Variants in TRAIP observed in about 807,000 individuals in gnomAD.
The protein encoded by TRAIP is E3 ubiquitin-protein ligase TRAIP.
A neutral mutation model predicts 65.0 loss-of-function variants in TRAIP; 37 were observed. That is an observed-to-expected ratio of 0.57 (90% CI 0.44 to 0.75). The LOEUF is 0.75. Ranked by LOEUF, TRAIP falls within the 30% of genes least tolerant of loss-of-function variation. The probability of loss-of-function intolerance (pLI) is 0.00; values close to 1 mark genes in which losing one functional copy is unlikely to be tolerated. For synonymous variants in TRAIP, 187 were observed against 219.1 expected (o/e 0.85, Z 1.29); for missense variants, 481 against 579.4 (o/e 0.83, Z 1.74).
rs543561242 is a variant in TRAIP at position 49,833,314 on chromosome 3, C to T, written c.885-1246G>A. Among the ~76,000 whole-genome samples the T allele has an allele frequency of 4.6e-5, 7 of 152,306 alleles. 1 individual carries two copies. The highest frequency in any genetic ancestry group is 2.1e-4 in the South Asian group (1 of 4,828). On this transcript the variant is annotated intron_variant, in intron 10 of 14. Transcript: ENST00000331456. ...TTCTACTCCCAGCCATCCCCTAAGG[C>T]GTTGCCTAGTGGTGCCCAAGCTCAA...
chr3:49,845,666 A>G (rs2081876135), intron 3 of TRAIP, among the ~76,000 whole-genome samples: 1 of 152,180 alleles, frequency 6.6e-6, no homozygotes, highest in Non-Finnish European at 1.5e-5. Flanking sequence ...ACCACTACCC[A>G]TAGTCCCCTG....
Position 49,856,515 on chromosome 3 carries a change from C to A in TRAIP, c.-62G>T. The A allele has an allele frequency of 6.9e-7, 1 of 1,450,306 alleles. No homozygotes were observed. Among genetic ancestry groups the A allele is most frequent in the Non-Finnish European group, 9.5e-7 (1 of 1,051,808 alleles). 89.8% of individuals were successfully genotyped at this position (1,450,306 alleles called of 1,614,324 possible). A position where few individuals can be genotyped will look rare whatever the true frequency, so the allele number is the denominator to read the frequency against. On this transcript the variant is annotated 5_prime_UTR_variant, in exon 1 of 15. Transcript: ENST00000331456. The stretch of plus-strand genomic sequence containing the variant: ...ACTGCTACAGGTCCGGCTTCGTAGA[C>A]GCGCCCCCGCGCCTCCGCTTGCTTC...
At chr3:49,833,504 G>A (rs1047414401) in intron 10 of TRAIP, among the ~76,000 whole-genome samples, 5 of 150,430 alleles carry the variant, frequency 3.3e-5, no homozygotes, top group African/African-American at 9.8e-5. Flanking sequence ...TTTTGAGACG[G>A]AATCTTGCTC....
rs1279790246 is a variant in TRAIP, at chr3:49,829,493, C to A, written c.1252G>T (p.Asp418Tyr). 2 of 1,614,002 alleles carry A rather than the reference C, an allele frequency of 1.2e-6. No homozygotes were observed. Among genetic ancestry groups the A allele is most frequent in the African/African-American group, 2.7e-5 (2 of 74,886 alleles). The change falls in exon 14 of 15, where the codon GAT (aspartate) becomes TAT (tyrosine). Residue 418 changes from aspartate to tyrosine, a missense_variant. Transcript: ENST00000331456. ...AATTTTGTCCGGCCACCGAGCCCAT[C>A]GAAGCCTGTCCTTACCTAGGGTGGA... is the stretch of plus-strand genomic sequence containing the variant. ...CSKDVVRTGF[D>Y]GLGGRTKFIQ...
intron 10 of TRAIP, among the ~76,000 whole-genome samples, chr3:49,833,750 A>G (rs1038007875): frequency 2.0e-5 from 3 of 152,152 alleles, no homozygotes; most frequent in Admixed American, 6.5e-5. Flanking sequence ...AAGTGCTGGT[A>G]TTACAGGCAT....
chr3:49,839,885 TGA>T (rs766468207), intron 9 of TRAIP, 25 bp from the exon 10 acceptor site: 2 of 1,610,436 alleles, frequency 1.2e-6, no homozygotes, highest in Non-Finnish European at 1.7e-6. Flanking sequence ...GAAAAGTGTG[TGA>T]GAGAAAGGCT....
At chr3:49,844,677 T>C (rs1023846320) in intron 3 of TRAIP, 97 bp from the exon 4 acceptor site, 34 of 1,407,080 alleles carry the variant, frequency 2.4e-5, no homozygotes, top group Non-Finnish European at 3.4e-5. Flanking sequence ...GATTGAACAA[T>C]GAGGCCTTCT....
intron 4 of TRAIP, 148 bp from the exon 5 acceptor site, chr3:49,844,076 TG>T (rs1274338399): frequency 2.4e-5 from 27 of 1,114,140 alleles, no homozygotes; most frequent in Non-Finnish European, 2.8e-5. Flanking sequence ...CTTCTTTCTC[TG>T]GGATGTGCCA....
At chr3:49,831,886 C>G in intron 11 of TRAIP, 30 bp downstream of exon 11, 1 of 1,521,708 alleles carries the variant, frequency 6.6e-7, no homozygotes, top group Non-Finnish European at 8.9e-7. Flanking sequence ...CCCTACCAGC[C>G]CATGGACAGT....
chr3:49,848,825 T>C (rs1365333536), intron 1 of TRAIP, among the ~76,000 whole-genome samples: 2 of 152,074 alleles, frequency 1.3e-5, no homozygotes, highest in Admixed American at 6.6e-5. Flanking sequence ...CCAATAAATA[T>C]GTATACCTAC....
chr3:49,841,809 G>C lies in TRAIP; in HGVS notation c.617+17C>G, dbSNP rs368009535. The C allele has an allele frequency of 1.2e-6, 2 of 1,603,906 alleles. No homozygotes were observed. The highest frequency in any genetic ancestry group is 2.7e-5 in the African/African-American group (2 of 74,714). The stretch of plus-strand genomic sequence containing the variant: ...GGCCTATCTCCTGTGTTTGCTGAGA[G>C]GGGCCACAGTACGCACTTCTTGAGA... On this transcript the variant is annotated intron_variant, in intron 7 of 14. Coordinates refer to ENST00000331456, the MANE Select transcript of TRAIP (RefSeq NM_005879.3).
At chr3:49,855,150 C>T (rs2081960453) in intron 1 of TRAIP, among the ~76,000 whole-genome samples, 1 of 152,080 alleles carries the variant, frequency 6.6e-6, no homozygotes, top group Non-Finnish European at 1.5e-5. Flanking sequence ...TCAAGGGATA[C>T]ATGTAAAACA....
At chr3:49,854,657 A>G (rs2081957096) in intron 1 of TRAIP, among the ~76,000 whole-genome samples, 1 of 152,196 alleles carries the variant, frequency 6.6e-6, no homozygotes, top group South Asian at 2.1e-4. Context: ...TAAAGACAAT[A>G]TGTTTACTCT....
At chr3:49,831,332 G>A (rs949882308) in intron 11 of TRAIP, among the ~76,000 whole-genome samples, 1 of 152,260 alleles carries the variant, frequency 6.6e-6, no homozygotes, top group Admixed American at 6.5e-5. Context: ...GTATGAATGA[G>A]TATAGTCCTT....
At position 49,831,939 on chromosome 3, in the gene TRAIP, T is replaced by A; in HGVS notation, c.1014A>T (p.Glu338Asp). The A allele has an allele frequency of 6.3e-7, 1 of 1,592,680 alleles. No individual in the cohort carries two copies. Among genetic ancestry groups the A allele is most frequent in the Non-Finnish European group, 8.6e-7 (1 of 1,169,498 alleles). The change falls in exon 11 of 15, where the codon GAA (glutamate) becomes GAT (aspartate). Residue 338 changes from glutamate to aspartate, a missense_variant. By Grantham distance (45) the Glu-to-Asp change is conservative (BLOSUM62 2). Coordinates refer to ENST00000331456, the MANE Select transcript of TRAIP (RefSeq NM_005879.3). ...ACTGTGACTTCTCTAGGCAAAGTTT[T>A]TCGTAGTAACCATGCTGGGAGCTGG... ...RPSSSQHGYYEKLCLEKSHSP... is the reference protein window; with the variant it reads ...RPSSSQHGYYDKLCLEKSHSP...
chr3:49,839,890 G>C (rs755623451), intron 9 of TRAIP, 30 bp from the exon 10 acceptor site: 2 of 1,603,924 alleles, frequency 1.2e-6, no homozygotes, highest in South Asian at 2.2e-5. Flanking sequence ...GTGTGTGAGA[G>C]AAAGGCTGAG....
chr3:49,848,074 C>T, intron 2 of TRAIP, 69 bp downstream of exon 2: 2 of 1,576,634 alleles, frequency 1.3e-6, no homozygotes, highest in Non-Finnish European at 1.7e-6. Context: ...TTTCAGAGCT[C>T]TTTTCACATT....
chr3:49,840,493 G>A (rs1183012163), intron 8 of TRAIP, 120 bp from the exon 9 acceptor site: 3 of 783,548 alleles, frequency 3.8e-6, no homozygotes, highest in Non-Finnish European at 4.3e-6. Flanking sequence ...TATGGGCAGA[G>A]ATCCCAGCTC....
At position 49,840,984 on chromosome 3, in the gene TRAIP, C is replaced by A; in HGVS notation, c.705+1G>T. Reference sequence around the variant, plus strand: ...TCAACCTCTGTTCACTGCTAAGTTACCTTGCTTCTGGAGGAAAACAAATCC... The same window carrying A: ...TCAACCTCTGTTCACTGCTAAGTTAACTTGCTTCTGGAGGAAAACAAATCC... On this transcript the variant is annotated splice_donor_variant, in intron 8 of 14. Coordinates refer to ENST00000331456, the MANE Select transcript of TRAIP (RefSeq NM_005879.3). LOFTEE classifies it high-confidence loss of function. 6.2e-7 allele frequency: 1 copy of A among 1,614,140 alleles called. No individual in the cohort carries two copies. The highest frequency in any genetic ancestry group is 1.3e-5 in the African/African-American group (1 of 75,038).
Sources: gnomAD v4.1 joint callset for allele counts (sites outside exome capture counted in the v4.1 genomes callset) on GRCh38, gnomAD v4.1.1 for gene constraint, MANE v1.5 for transcripts, NCBI Gene and HGNC (gene_info 2026-07-23, HGNC 2026-07-21) for gene names.